The following LSS variants were observed in gnomAD, a reference collection of about 807,000 sequenced individuals.
LSS encodes 2,3-epoxysqualene-lanosterol cyclase.
A neutral mutation model predicts 110.3 loss-of-function variants in LSS; 90 were observed. The observed-to-expected ratio is 0.82, with a 90% CI of 0.69 to 0.97. The LOEUF (loss-of-function observed/expected upper bound fraction) is 0.97. Ranked by LOEUF, LSS falls within the 50% of genes least tolerant of loss-of-function variation. The pLI is 0.00. For missense variants in LSS, 927 were observed against 990.0 expected (o/e 0.94, Z 0.85); for synonymous variants, 433 against 400.0 (o/e 1.08, Z -0.98).
At chr21:46,197,032 A>G (rs2079918619) in intron 17 of LSS, among the ~76,000 whole-genome samples, 1 of 152,256 alleles carries the variant, frequency 6.6e-6, no homozygotes, top group Non-Finnish European at 1.5e-5. Flanking sequence ...AAGCCCGGAG[A>G]GACCCTGAGG....
chr21:46,207,237 C>A (rs2080062317), intron 15 of LSS, among the ~76,000 whole-genome samples, 191 bp downstream of exon 15: 1 of 152,232 alleles, frequency 6.6e-6, no homozygotes, highest in African/African-American at 2.4e-5. Context: ...GCCCTGTGCA[C>A]ACAGCCCAGC....
At position 46,208,221 on chromosome 21, in the gene LSS, G is replaced by C. The variant is rs529900677; in HGVS notation, c.1317+30C>G. On this transcript the variant is annotated intron_variant, in intron 14 of 21. Coordinates refer to ENST00000397728, the MANE Select transcript of LSS (RefSeq NM_002340.6). ...CTGAGGGCGGCCTCCCCTGGGGGAC[G>C]GGACAGGGATGGGGCTGGCTCCCGC... The C allele has an allele frequency of 3.2e-6, 5 of 1,550,386 alleles. No individual in the cohort carries two copies. The Admixed American group carries it at 7.8e-5, about 24-fold the overall frequency.
chr21:46,207,634 ACCTCCCCACAGCCGCACGCATC>A (rs1210059116), intron 14 of LSS, 57 bp from the exon 15 acceptor site: 16 of 1,561,754 alleles, frequency 1.0e-5, no homozygotes, highest in Non-Finnish European at 1.4e-5. Flanking sequence ...AGTTCTCAGA[ACCTCCCCACAGCCGCACGCATC>A]CCTCCCCACC....
At chr21:46,201,891 G>A (rs1266796542) in intron 17 of LSS, among the ~76,000 whole-genome samples, 2 of 149,216 alleles carry the variant, frequency 1.3e-5, no homozygotes, top group African/African-American at 4.9e-5. Context: ...TCCACCTCCC[G>A]GGTTCACGCC....
rs2080292967 is a variant in LSS at position 46,222,708 on chromosome 21, A to G, written c.350T>C (p.Ile117Thr). ...GLLITCHVAR[I>T]PLPAGYREEI... is the part of the protein sequence containing the mutation. Reference sequence around the variant, plus strand: ...TTCTCTGTATCCGGCTGGCAGAGGGATGCGTGCCACGTGGCAAGTGATCAG... The same window carrying G: ...TTCTCTGTATCCGGCTGGCAGAGGGGTGCGTGCCACGTGGCAAGTGATCAG... The change falls in exon 4 of 22, where the codon ATC becomes ACC. Residue 117 changes from isoleucine (I) to threonine (T), a missense_variant. By Grantham distance (89) the Ile-to-Thr change is moderately conservative. Transcript: ENST00000397728. 6.2e-7 allele frequency: 1 copy of G among 1,613,866 alleles called. No homozygotes were observed.
intron 9 of LSS, 78 bp downstream of exon 9, chr21:46,215,102 A>C (rs1433829441): frequency 1.6e-6 from 2 of 1,242,054 alleles, no homozygotes; most frequent in African/African-American, 1.5e-5. Flanking sequence ...CTCCCAGCTC[A>C]CAGCCCGGCC....
At chr21:46,213,969 C>T (rs2080168051) in intron 9 of LSS, 134 bp from the exon 10 acceptor site, 1 of 671,112 alleles carries the variant, frequency 1.5e-6, no homozygotes, top group Non-Finnish European at 2.7e-6. Context: ...GGACAGGGGC[C>T]TTCTGCTCTA....
Position 46,228,547 on chromosome 21 carries a change from C to T in LSS, c.67G>A (p.Gly23Ser). 1 of 1,597,826 alleles carries T rather than the reference C, an allele frequency of 6.3e-7. No homozygotes were observed. Among genetic ancestry groups the T allele is most frequent in the Non-Finnish European group, 8.5e-7 (1 of 1,178,180 alleles). Residue 23 changes from glycine to serine, a missense_variant, in exon 2 of 22, where the codon GGC becomes AGC. By Grantham distance (56) the Gly-to-Ser change is moderately conservative. Transcript: ENST00000397728. Reference protein sequence around the residue: ...PYKTEPATDLGRWRLNCERGR... With the variant: ...PYKTEPATDLSRWRLNCERGR... Reference sequence around the variant, plus strand: ...CTCTCGCAGTTGAGTCGCCAGCGGCCGAGGTCGGTGGCGGGCTCGGTCTTG... The same window carrying T: ...CTCTCGCAGTTGAGTCGCCAGCGGCTGAGGTCGGTGGCGGGCTCGGTCTTG...
At chr21:46,211,250 C>T (rs538436160) in intron 11 of LSS, among the ~76,000 whole-genome samples, 58 of 152,310 alleles carry the variant, frequency 3.8e-4, no homozygotes, top group African/African-American at 1.3e-3. Context: ...CCTCAGCCTC[C>T]GGAGTAGCTG....
chr21:46,211,904 T>G (rs1332200315), intron 11 of LSS, among the ~76,000 whole-genome samples: 1 of 152,128 alleles, frequency 6.6e-6, no homozygotes, highest in East Asian at 1.9e-4. Context: ...TGAATCCTGA[T>G]TCACAAACAC....
At chr21:46,212,173 C>T (rs933356323) in intron 11 of LSS, among the ~76,000 whole-genome samples, 1 of 152,182 alleles carries the variant, frequency 6.6e-6, no homozygotes, top group Non-Finnish European at 1.5e-5. Flanking sequence ...GGACAGTGTC[C>T]GGGGAGCCTC....
chr21:46,210,926 G>A (rs2080121375), intron 11 of LSS, among the ~76,000 whole-genome samples, 182 bp from the exon 12 acceptor site: 1 of 152,196 alleles, frequency 6.6e-6, no homozygotes, highest in Non-Finnish European at 1.5e-5. Context: ...AGAAGGCTGA[G>A]CCCTGCAGGC....
chr21:46,221,692 A>G, intron 5 of LSS, 162 bp downstream of exon 5: 1 of 1,008,602 alleles, frequency 9.9e-7, no homozygotes. Context: ...AATGATGCCT[A>G]GGTTAAACAG....
At chr21:46,223,137 G>A (rs544101260) in intron 3 of LSS, among the ~76,000 whole-genome samples, 1 of 152,206 alleles carries the variant, frequency 6.6e-6, no homozygotes, top group South Asian at 2.1e-4. Flanking sequence ...TTTAACATCT[G>A]CTGGGAAGAA....
At chr21:46,207,345 G>A in intron 15 of LSS, 83 bp downstream of exon 15, 1 of 1,506,456 alleles carries the variant, frequency 6.6e-7, no homozygotes, top group Non-Finnish European at 9.0e-7. Context: ...GTGCTGGGCT[G>A]GAGCCCACAG....
At position 46,228,736 on chromosome 21, in the gene LSS, C is replaced by T. The variant is rs772729845; in HGVS notation, c.10G>A (p.Gly4Ser). MTE[G>S]TCLRRRGGPY... is the part of the protein sequence containing the mutation. ...GCCCGGGGCGAGGGGACTCACGTGC[C>T]CTCCGTCATTGCTGCTGCAGTGCTC... Residue 4 changes from glycine (G) to serine (S), a missense_variant, in exon 1 of 22, where the codon GGC (glycine) becomes AGC (serine). By Grantham distance (56) the Gly-to-Ser change is moderately conservative. Transcript: ENST00000397728. The T allele has an allele frequency of 2.5e-6, 4 of 1,599,978 alleles. No homozygotes were observed. Among genetic ancestry groups the T allele is most frequent in the South Asian group, 2.2e-5 (2 of 90,806 alleles).
chr21:46,218,044 C>T (rs898783341), intron 6 of LSS, among the ~76,000 whole-genome samples: 1 of 152,146 alleles, frequency 6.6e-6, no homozygotes, highest in African/African-American at 2.4e-5. Flanking sequence ...CAGGACACTG[C>T]TGCTGTCCTT....
intron 20 of LSS, chr21:46,192,264 G>C (rs2079827758): frequency 2.0e-6 from 1 of 488,708 alleles, no homozygotes; most frequent in Admixed American, 3.3e-5. Flanking sequence ...TGGCCCACTG[G>C]TCCTCATGGG....
intron 4 of LSS, chr21:46,222,359 C>T: frequency 1.8e-6 from 1 of 549,320 alleles, no homozygotes. Context: ...TTTCTTCTGC[C>T]TTAAGTGATA....
Sources: gnomAD v4.1 joint callset for allele counts (sites outside exome capture counted in the v4.1 genomes callset) on GRCh38, gnomAD v4.1.1 for gene constraint, MANE v1.5 for transcripts, NCBI Gene and HGNC (gene_info 2026-07-23, HGNC 2026-07-21) for gene names.